Variants in PGBD2 observed in about 807,000 individuals in gnomAD.
PGBD2 encodes the protein piggyBac transposable element-derived protein 2.
In PGBD2, 6 loss-of-function variants were observed where a neutral mutation model predicts 8.1. That is an observed-to-expected ratio of 0.74 (90% CI 0.40 to 1.46). The LOEUF (loss-of-function observed/expected upper bound fraction) is 1.46, where lower values mean the gene tolerates loss of function less well. PGBD2 is among the 40% of genes most tolerant of loss of function. The pLI, the probability that PGBD2 is intolerant of heterozygous loss-of-function variation, is 0.02. For missense variants in PGBD2, 802 were observed against 739.0 expected, an observed-to-expected ratio of 1.09 and a Z score of -0.99; for synonymous variants, 318 against 272.2, an observed-to-expected ratio of 1.17 and a Z score of -1.66.
At chr1:248,899,464 C>T in the PGBD2 span, among the ~76,000 whole-genome samples, 29 of 151,986 alleles carry the variant, frequency 1.9e-4, no homozygotes, top group Non-Finnish European at 2.9e-4. Context: ...CACACCACTA[C>T]GTAGAAATTG....
At chr1:248,874,351 C>T in the PGBD2 span, among the ~76,000 whole-genome samples, 11 of 152,174 alleles carry the variant, frequency 7.2e-5, no homozygotes, top group South Asian at 2.1e-4. Context: ...TGCCGCAGGG[C>T]TAACCATAGG....
At chr1:248,914,893 G>A (rs192843880) in intron 2 of PGBD2, among the ~76,000 whole-genome samples, 2 of 152,112 alleles carry the variant, frequency 1.3e-5, no homozygotes, top group East Asian at 1.9e-4. Flanking sequence ...CTGCAGCCTC[G>A]CTGATCTCCT....
chr1:248,875,595 A>G, the PGBD2 span, among the ~76,000 whole-genome samples: 1 of 152,182 alleles, frequency 6.6e-6, no homozygotes, highest in Non-Finnish European at 1.5e-5. Flanking sequence ...CCTAAACCAC[A>G]TTTAAGTTCT....
In PGBD2 at chr1:248,911,777, G is replaced by GCGGC. The variant is rs1558286439; in HGVS notation, c.-47-2039_-47-2038insCGGC. On this transcript the variant is annotated intron_variant, in intron 1 of 2. Coordinates refer to ENST00000329291, the MANE Select transcript of PGBD2 (RefSeq NM_170725.3). ...CCCCCCCACCTCCCTCCCGGACGGGGTGGCTGGCCGGGCGCTCCCCCAGCA... is the reference window on the plus strand; with the variant it reads ...CCCCCCCACCTCCCTCCCGGACGGGGCGGCTGGCTGGCCGGGCGCTCCCCCAGCA... Among the ~76,000 whole-genome samples, 91 of 151,600 alleles carry GCGGC rather than the reference G, an allele frequency of 6.0e-4. 2 individuals carry two copies. Among genetic ancestry groups the GCGGC allele is most frequent in the African/African-American group, 1.9e-3 (78 of 40,912 alleles).
upstream of PGBD2, among the ~76,000 whole-genome samples, chr1:248,902,688 C>A (rs1661556082): frequency 6.6e-6 from 1 of 152,144 alleles, no homozygotes; most frequent in Non-Finnish European, 1.5e-5. Context: ...GAGATCATAT[C>A]TTTTTGCAGG....
rs903490564 is a variant in PGBD2 at position 248,919,103 on chromosome 1, TGTTA to T, written c.*745_*748del. The T allele has an allele frequency of 4.2e-5, 7 of 167,192 alleles. No homozygotes were observed. The highest frequency in any genetic ancestry group is 2.1e-4 in the South Asian group (1 of 4,828). The allele number at this position is 167,192 out of a possible 1,614,324, so 10.4% of individuals were successfully genotyped here. A position where few individuals can be genotyped will look rare whatever the true frequency, so the allele number is the denominator to read the frequency against. On this transcript the variant is annotated 3_prime_UTR_variant, in exon 3 of 3. Coordinates refer to ENST00000329291, the MANE Select transcript of PGBD2 (RefSeq NM_170725.3). ...TGTGTTTCAAACAATCCAATTATAC[TGTTA>T]GTTATTTTAAAATGTGCAATTAAAT...
rs767914776 is a variant in PGBD2, at chr1:248,917,367, C to G, written c.783C>G (p.Pro261=). 2.5e-6 allele frequency: 4 copies of G among 1,614,012 alleles called. No homozygotes were observed. In the African/African-American group the frequency reaches 4.0e-5, roughly 16 times the overall value. The change falls in exon 3 of 3, where the codon CCC becomes CCG. Residue 261 remains proline, a synonymous_variant. Transcript: ENST00000329291. ...ACTGCAATTTCCAGAAGCATGCACC[C>G]TTGGAAGAGTTCTACAGCTTTGGCG... ...RMNCNFQKHA[P]LEEFYSFGES...
At chr1:248,901,636 C>G (rs1413877175), upstream of PGBD2, among the ~76,000 whole-genome samples, 1 of 152,064 alleles carries the variant, frequency 6.6e-6, no homozygotes, top group Admixed American at 6.5e-5. Context: ...ACTATAAAAA[C>G]CCAGAAGAAA....
chr1:248,923,564 C>G (rs1401918264), downstream of PGBD2, among the ~76,000 whole-genome samples: 1 of 152,218 alleles, frequency 6.6e-6, no homozygotes, highest in Non-Finnish European at 1.5e-5. Flanking sequence ...AGCTTTCTCT[C>G]CCACTGGCTC....
chr1:248,914,702 C>CAT, intron 2 of PGBD2: 7 of 915,074 alleles, frequency 7.6e-6, no homozygotes, highest in Non-Finnish European at 1.0e-5. Context: ...AGTCCATTCT[C>CAT]ATAGCCAGGG....
the PGBD2 span, among the ~76,000 whole-genome samples, chr1:248,888,902 AT>A: frequency 2.0e-5 from 3 of 151,986 alleles, no homozygotes. Context: ...AATTCATCTT[AT>A]TTTTTGTATA....
the PGBD2 span, among the ~76,000 whole-genome samples, chr1:248,888,734 T>G: frequency 6.6e-6 from 1 of 152,228 alleles, no homozygotes; most frequent in East Asian, 1.9e-4. Flanking sequence ...CAGAAGCTCT[T>G]TAGTTTAATT....
chr1:248,916,152 G>A (rs550918924), intron 2 of PGBD2, among the ~76,000 whole-genome samples: 2 of 152,276 alleles, frequency 1.3e-5, no homozygotes, highest in African/African-American at 4.8e-5. Context: ...CATGGCTCAC[G>A]CCTGTAATCC....
At chr1:248,909,913 C>A (rs1361690848) in intron 1 of PGBD2, among the ~76,000 whole-genome samples, 1 of 152,190 alleles carries the variant, frequency 6.6e-6, no homozygotes, top group Non-Finnish European at 1.5e-5. Context: ...CTGTGAATGG[C>A]TTTGATTTTA....
At chr1:248,873,143 T>A in the PGBD2 span, among the ~76,000 whole-genome samples, 1 of 151,420 alleles carries the variant, frequency 6.6e-6, no homozygotes, top group African/African-American at 2.4e-5. Context: ...CCTGGACGAG[T>A]GGTATCTGGG....
chr1:248,925,071 A>G, the PGBD2 span, among the ~76,000 whole-genome samples: 1 of 152,312 alleles, frequency 6.6e-6, no homozygotes, highest in Admixed American at 6.5e-5. Context: ...ATATGTTGGA[A>G]AAAAGCACAT....
chr1:248,917,396 C>CT lies in PGBD2; in HGVS notation c.813dup (p.Met272TyrfsTer3). 1 of 1,614,116 alleles carries CT rather than the reference C, an allele frequency of 6.2e-7. No individual in the cohort carries two copies. Among genetic ancestry groups the CT allele is most frequent in the Admixed American group, 1.7e-5 (1 of 60,022 alleles). ...GAAGAGTTCTACAGCTTTGGCGAGT[C>CT]TATGTGTGAGTACTTTGGGCACCGG... On this transcript the variant is annotated frameshift_variant, in exon 3 of 3. Coordinates refer to ENST00000329291, the MANE Select transcript of PGBD2 (RefSeq NM_170725.3). LOFTEE classifies it low-confidence loss of function (END_TRUNC).
the PGBD2 span, among the ~76,000 whole-genome samples, chr1:248,878,841 G>T: frequency 2.6e-5 from 4 of 152,240 alleles, no homozygotes; most frequent in East Asian, 5.8e-4. Context: ...GTGGCTCGCC[G>T]CTATTGCTAT....
downstream of PGBD2, among the ~76,000 whole-genome samples, chr1:248,922,983 G>A (rs973062681): frequency 6.6e-6 from 1 of 152,122 alleles, no homozygotes; most frequent in African/African-American, 2.4e-5. Flanking sequence ...AAATGAGTTA[G>A]GGAGGATTCC....
Sources: allele counts gnomAD v4.1 joint callset (sites outside exome capture counted in the v4.1 genomes callset), GRCh38; gene constraint gnomAD v4.1.1; transcripts MANE v1.5; gene names NCBI Gene and HGNC (gene_info 2026-07-23, HGNC 2026-07-21).